Variants in LUZP2 observed in about 807,000 individuals in gnomAD.
LUZP2 encodes leucine zipper protein 2.
A neutral mutation model predicts 51.6 loss-of-function variants in LUZP2; 52 were observed. The observed-to-expected ratio is 1.01, with a 90% CI of 0.81 to 1.27. The LOEUF (loss-of-function observed/expected upper bound fraction) is 1.27, where lower values mean the gene tolerates loss of function less well. LUZP2 is among the 50% of genes most tolerant of loss of function. The pLI, the probability that LUZP2 is intolerant of heterozygous loss-of-function variation, is 0.00. For synonymous variants in LUZP2, 154 were observed against 137.3 expected, an observed-to-expected ratio of 1.12 and a Z score of -0.85; for missense variants, 436 against 395.4, an observed-to-expected ratio of 1.10 and a Z score of -0.87.
chr11:24,552,623 A>C (rs1374964617), intron 1 of LUZP2, among the ~76,000 whole-genome samples: 1 of 152,042 alleles, frequency 6.6e-6, no homozygotes. Flanking sequence ...GATAGATACA[A>C]GATCAGCTGG....
At chr11:25,040,794 G>C (rs1312922586) in intron 9 of LUZP2, among the ~76,000 whole-genome samples, 2 of 152,108 alleles carry the variant, frequency 1.3e-5, no homozygotes, top group Non-Finnish European at 2.9e-5. Flanking sequence ...CAGGACTCTA[G>C]GAAATTAAAT....
intron 1 of LUZP2, among the ~76,000 whole-genome samples, chr11:24,649,256 T>C (rs1855552584): frequency 1.3e-5 from 2 of 151,990 alleles, no homozygotes; most frequent in South Asian, 4.1e-4. Flanking sequence ...AGAACCTAAC[T>C]AAGTGGGTAA....
intron 1 of LUZP2, among the ~76,000 whole-genome samples, chr11:24,588,747 A>G (rs893622195): frequency 6.6e-6 from 1 of 152,014 alleles, no homozygotes; most frequent in African/African-American, 2.4e-5. Flanking sequence ...TAACAATTTT[A>G]CTTTTCTTAT....
chr11:24,806,042 T>C (rs1055787408), intron 5 of LUZP2, among the ~76,000 whole-genome samples: 38 of 152,136 alleles, frequency 2.5e-4, no homozygotes, highest in African/African-American at 8.2e-4. Context: ...GAAATACTAG[T>C]GTTGGAAGAT....
intron 1 of LUZP2, among the ~76,000 whole-genome samples, chr11:24,711,508 G>A (rs74578985): frequency 0.22 from 32,539 of 150,040 alleles, 4,109 homozygotes; most frequent in Admixed American, 0.31. Flanking sequence ...TTCTTTTGTA[G>A]GTATAGACAT....
intron 5 of LUZP2, among the ~76,000 whole-genome samples, chr11:24,871,181 A>T (rs1590666649): frequency 6.6e-6 from 1 of 152,096 alleles, no homozygotes. Flanking sequence ...AATTTCTTTC[A>T]ATATTCCATA....
At chr11:24,977,084 T>C (rs1855900627) in intron 8 of LUZP2, among the ~76,000 whole-genome samples, 1 of 151,804 alleles carries the variant, frequency 6.6e-6, no homozygotes, top group African/African-American at 2.4e-5. Flanking sequence ...TAATTTATAC[T>C]TATCTATATT....
intron 1 of LUZP2, among the ~76,000 whole-genome samples, chr11:24,653,989 T>G (rs892637770): frequency 1.6e-4 from 24 of 152,186 alleles, no homozygotes; most frequent in Non-Finnish European, 3.2e-4. Context: ...CTATAGAAAT[T>G]TAACAGTTAA....
intron 5 of LUZP2, among the ~76,000 whole-genome samples, chr11:24,879,651 G>C (rs887437412): frequency 6.6e-6 from 1 of 151,966 alleles, no homozygotes; most frequent in Non-Finnish European, 1.5e-5. Flanking sequence ...GTTTTGATTC[G>C]CATTTCTCTA....
rs766427060 is a variant in LUZP2 at position 24,833,254 on chromosome 11, T to C, written c.396+69946T>C. 6.0e-4 allele frequency among the ~76,000 whole-genome samples: 92 copies of C among 152,210 alleles called. 1 individual carries two copies. The highest frequency in any genetic ancestry group is 2.2e-4 in the Non-Finnish European group (15 of 68,030). On this transcript the variant is annotated intron_variant, in intron 5 of 11. Coordinates refer to ENST00000336930, the MANE Select transcript of LUZP2 (RefSeq NM_001009909.4). ...TGCTGTAAACTGATTTCTATCTCTG[T>C]AACAATTTTTCAAATTGGAGAACTG...
At chr11:24,894,660 A>C (rs11028257) in intron 5 of LUZP2, among the ~76,000 whole-genome samples, 83,090 of 150,784 alleles carry the variant, frequency 0.55, 23,131 homozygotes, top group East Asian at 0.78. Flanking sequence ...TATGTCTATG[A>C]GTATTCAATG....
At chr11:24,882,802 G>C (rs1272598649) in intron 5 of LUZP2, among the ~76,000 whole-genome samples, 5 of 139,074 alleles carry the variant, frequency 3.6e-5, no homozygotes, top group Non-Finnish European at 8.1e-5. Context: ...AAGAAAGGAA[G>C]GAAGGGAAGA....
intron 9 of LUZP2, among the ~76,000 whole-genome samples, chr11:25,044,219 A>G (rs1309742032): frequency 1.9e-5 from 2 of 106,450 alleles, no homozygotes; most frequent in Non-Finnish European, 3.9e-5. Flanking sequence ...GTATATATAT[A>G]TGTGTGTGTA....
intron 1 of LUZP2, among the ~76,000 whole-genome samples, chr11:24,602,440 A>C (rs1310840985): frequency 7.0e-6 from 1 of 142,928 alleles, no homozygotes; most frequent in Non-Finnish European, 1.6e-5. Context: ...ATATGGGGAA[A>C]ATAAATAAAT....
At chr11:24,899,756 A>G (rs900308654) in intron 5 of LUZP2, among the ~76,000 whole-genome samples, 1 of 152,208 alleles carries the variant, frequency 6.6e-6, no homozygotes, top group African/African-American at 2.4e-5. Flanking sequence ...AGACATAACA[A>G]TTCTTAAATT....
At chr11:25,069,172 A>G (rs1176632412) in intron 10 of LUZP2, among the ~76,000 whole-genome samples, 1 of 151,938 alleles carries the variant, frequency 6.6e-6, no homozygotes, top group East Asian at 1.9e-4. Flanking sequence ...TGCTATCAAA[A>G]TCTAAAATAT....
chr11:24,557,935 T>C (rs1203911637), intron 1 of LUZP2, among the ~76,000 whole-genome samples: 2 of 152,102 alleles, frequency 1.3e-5, no homozygotes, highest in Non-Finnish European at 2.9e-5. Flanking sequence ...ATTCAAATAA[T>C]AAAGCTGCCC....
chr11:25,004,259 G>A (rs540677355), intron 9 of LUZP2, among the ~76,000 whole-genome samples: 330 of 152,240 alleles, frequency 2.2e-3, no homozygotes, highest in Middle Eastern at 3.4e-3. Flanking sequence ...GGGGTGGCTT[G>A]TTTCTCACTG....
chr11:24,765,631 T>TC (rs1365901368), intron 5 of LUZP2, among the ~76,000 whole-genome samples: 1 of 145,558 alleles, frequency 6.9e-6, no homozygotes, highest in East Asian at 2.0e-4. Flanking sequence ...TCTTTTTTCT[T>TC]TTTTTTTTTT....
Sources: allele counts gnomAD v4.1 joint callset (sites outside exome capture counted in the v4.1 genomes callset), GRCh38; gene constraint gnomAD v4.1.1; transcripts MANE v1.5; gene names NCBI Gene and HGNC (gene_info 2026-07-23, HGNC 2026-07-21).